The following PAPPA variants were observed in gnomAD, a reference collection of about 807,000 sequenced individuals.
The protein encoded by PAPPA is pappalysin-1.
PAPPA carries 60 observed loss-of-function variants against 164.0 expected under a neutral mutation model. The ratio of observed to expected loss-of-function variants is 0.37; its 90% CI spans 0.30 to 0.45. PAPPA has a LOEUF of 0.45. Ranked by LOEUF, PAPPA falls within the 20% of genes least tolerant of loss-of-function variation. The probability of loss-of-function intolerance (pLI) is 1.00; values close to 1 mark genes in which losing one functional copy is unlikely to be tolerated. For synonymous variants in PAPPA, 875 were observed against 814.1 expected (o/e 1.07, Z -1.27); for missense variants, 1,782 against 2,087.3 (o/e 0.85, Z 2.85).
At chr9:116,230,554 T>A (rs1302761670) in intron 6 of PAPPA, among the ~76,000 whole-genome samples, 1 of 152,202 alleles carries the variant, frequency 6.6e-6, no homozygotes, top group Non-Finnish European at 1.5e-5. Context: ...AAATATAATA[T>A]CCTTTCTAGC....
At chr9:116,210,845 C>T (rs765054452) in intron 3 of PAPPA, among the ~76,000 whole-genome samples, 22 of 152,178 alleles carry the variant, frequency 1.4e-4, no homozygotes, top group Non-Finnish European at 1.0e-4. Context: ...GATGATCATG[C>T]TGCTTGTCCT....
intron 7 of PAPPA, among the ~76,000 whole-genome samples, chr9:116,258,327 G>A (rs560697552): frequency 1.3e-5 from 2 of 152,088 alleles, no homozygotes; most frequent in African/African-American, 4.8e-5. Flanking sequence ...TGTGGAAATC[G>A]CTATAGACTG....
intron 2 of PAPPA, among the ~76,000 whole-genome samples, chr9:116,190,165 A>C (rs1300924259): frequency 5.9e-5 from 9 of 152,218 alleles, no homozygotes; most frequent in Admixed American, 3.9e-4. Flanking sequence ...AGCTAAGTTC[A>C]TGGGTCAAGA....
At chr9:116,270,618 T>C (rs1317932936) in intron 8 of PAPPA, among the ~76,000 whole-genome samples, 1 of 152,166 alleles carries the variant, frequency 6.6e-6, no homozygotes, top group Non-Finnish European at 1.5e-5. Context: ...CTCCTTCTCA[T>C]CACCTAAGCC....
intron 10 of PAPPA, among the ~76,000 whole-genome samples, chr9:116,324,897 C>T (rs532355133): frequency 4.6e-5 from 7 of 152,290 alleles, no homozygotes; most frequent in African/African-American, 1.7e-4. Context: ...CTGCTGAAAC[C>T]AGCTCCTGAA....
At chr9:116,369,548 C>T (rs1846545534) in intron 19 of PAPPA, among the ~76,000 whole-genome samples, 1 of 152,150 alleles carries the variant, frequency 6.6e-6, no homozygotes, top group South Asian at 2.1e-4. Flanking sequence ...GTTTGACTCA[C>T]ACACAAAACA....
Position 116,398,986 on chromosome 9 carries a change from G to C in PAPPA, c.*2370G>C, listed in dbSNP as rs564607614. On this transcript the variant is annotated 3_prime_UTR_variant, in exon 22 of 22. Transcript: ENST00000328252. ...CCTTAGAAGGTACAAGCTAAGAAAT[G>C]TAACAGTATCAACCCTCCCAGTTGC... 3.9e-6 allele frequency: 1 copy of C among 256,720 alleles called. No individual in the cohort carries two copies. The highest frequency in any genetic ancestry group is 4.3e-5 in the South Asian group (1 of 23,318). The allele number at this position is 256,720 out of a possible 1,614,324, so 15.9% of individuals were successfully genotyped here.
At chr9:116,225,711 C>G (rs1400393775) in intron 5 of PAPPA, among the ~76,000 whole-genome samples, 3 of 152,116 alleles carry the variant, frequency 2.0e-5, no homozygotes, top group African/African-American at 7.2e-5. Context: ...CATATGGTTT[C>G]ATATTTACAA....
intron 16 of PAPPA, among the ~76,000 whole-genome samples, chr9:116,353,416 A>T (rs1187919464): frequency 6.6e-6 from 1 of 152,240 alleles, no homozygotes; most frequent in Non-Finnish European, 1.5e-5. Flanking sequence ...AGCTGGAAGC[A>T]TGACATTTCT....
intron 4 of PAPPA, among the ~76,000 whole-genome samples, chr9:116,217,154 T>C (rs541097074): frequency 1.3e-5 from 2 of 152,232 alleles, no homozygotes; most frequent in Non-Finnish European, 2.9e-5. Context: ...CCATTTTAAG[T>C]TATAAAAGAA....
chr9:116,273,446 C>T (rs1190485250), intron 9 of PAPPA, among the ~76,000 whole-genome samples: 1 of 152,088 alleles, frequency 6.6e-6, no homozygotes, highest in Non-Finnish European at 1.5e-5. Flanking sequence ...TTCTATGACC[C>T]AAAGAAACTA....
At chr9:116,248,363 C>A (rs1396299806) in intron 7 of PAPPA, among the ~76,000 whole-genome samples, 3 of 152,194 alleles carry the variant, frequency 2.0e-5, no homozygotes, top group Non-Finnish European at 4.4e-5. Context: ...GGGCCCAAGA[C>A]CCCTGTCTAT....
intron 6 of PAPPA, among the ~76,000 whole-genome samples, chr9:116,232,075 C>T (rs1475542040): frequency 3.9e-5 from 6 of 152,006 alleles, no homozygotes; most frequent in Admixed American, 1.3e-4. Flanking sequence ...TTCTAAAAGG[C>T]GACCCTGATG....
intron 2 of PAPPA, among the ~76,000 whole-genome samples, chr9:116,190,260 G>A (rs772904980): frequency 2.6e-5 from 4 of 152,204 alleles, no homozygotes; most frequent in Non-Finnish European, 5.9e-5. Flanking sequence ...TCTGTGCCTG[G>A]TGAGAGTGGG....
intron 1 of PAPPA, among the ~76,000 whole-genome samples, chr9:116,173,660 C>A (rs2118595316): frequency 6.6e-6 from 1 of 152,272 alleles, no homozygotes. Flanking sequence ...TCGAGAGTGA[C>A]CTTTAGGTGG....
intron 1 of PAPPA, among the ~76,000 whole-genome samples, chr9:116,182,363 T>C (rs901125383): frequency 6.6e-6 from 1 of 152,160 alleles, no homozygotes; most frequent in African/African-American, 2.4e-5. Context: ...GGGTTGGATG[T>C]TAGGTATTTA....
At chr9:116,226,640 C>T (rs1182641803) in intron 5 of PAPPA, among the ~76,000 whole-genome samples, 2 of 152,180 alleles carry the variant, frequency 1.3e-5, no homozygotes, top group Non-Finnish European at 2.9e-5. Context: ...ACTCATTCCT[C>T]TCCCTTCTCC....
At chr9:116,218,589 C>T (rs1844404715) in intron 4 of PAPPA, among the ~76,000 whole-genome samples, 1 of 152,124 alleles carries the variant, frequency 6.6e-6, no homozygotes, top group Admixed American at 6.5e-5. Flanking sequence ...AGGTCACACC[C>T]TGGAAAAGAG....
intron 9 of PAPPA, among the ~76,000 whole-genome samples, chr9:116,282,448 C>A (rs1845279373): frequency 6.6e-6 from 1 of 152,106 alleles, no homozygotes; most frequent in Non-Finnish European, 1.5e-5. Context: ...CCATCTCAGA[C>A]AAAAGTCATA....
Sources: allele counts gnomAD v4.1 joint callset (sites outside exome capture counted in the v4.1 genomes callset), GRCh38; gene constraint gnomAD v4.1.1; transcripts MANE v1.5; gene names NCBI Gene and HGNC (gene_info 2026-07-23, HGNC 2026-07-21).